The following TOPAZ1 variants were observed in gnomAD, a reference collection of about 807,000 sequenced individuals.
TOPAZ1 encodes the protein testis and ovary specific TOPAZ 1.
In TOPAZ1, 66 loss-of-function variants were observed where a neutral mutation model predicts 172.2. That is an observed-to-expected ratio of 0.38 (90% confidence interval 0.31 to 0.47). The LOEUF (loss-of-function observed/expected upper bound fraction) is 0.47. Ranked by LOEUF, TOPAZ1 falls within the 20% of genes least tolerant of loss-of-function variation. The pLI is 0.99. For missense variants in TOPAZ1, 1,822 were observed against 1,972.4 expected (o/e 0.92, Z 1.44); for synonymous variants, 681 against 683.9 (o/e 1.00, Z 0.07).
At chr3:44,315,213 GT>G (rs1700438819) in intron 16 of TOPAZ1, among the ~76,000 whole-genome samples, 1 of 45,816 alleles carries the variant, frequency 2.2e-5, no homozygotes, top group African/African-American at 5.3e-5. Context: ...GTGTGTGTGT[GT>G]GTGTGTGTGT....
At chr3:44,258,468 C>T (rs537850860) in intron 4 of TOPAZ1, among the ~76,000 whole-genome samples, 11 of 152,178 alleles carry the variant, frequency 7.2e-5, no homozygotes, top group Non-Finnish European at 8.8e-5. Flanking sequence ...CTCCATCGCC[C>T]ATTCCTTAAC....
chr3:44,309,757 A>G (rs1700377310), intron 15 of TOPAZ1, 68 bp from the exon 16 acceptor site: 1 of 1,151,664 alleles, frequency 8.7e-7, no homozygotes, highest in South Asian at 1.6e-5. Flanking sequence ...GCTTGTGAAT[A>G]ATTATCAGTG....
intron 12 of TOPAZ1, among the ~76,000 whole-genome samples, chr3:44,299,957 T>TC (rs1553650248): frequency 6.4e-5 from 6 of 94,310 alleles, no homozygotes; most frequent in South Asian, 7.2e-4. Context: ...TGTTGTGGGG[T>TC]GGGGGGAGGG....
intron 4 of TOPAZ1, among the ~76,000 whole-genome samples, chr3:44,257,910 A>G (rs1233916539): frequency 1.3e-5 from 2 of 152,000 alleles, no homozygotes. Flanking sequence ...TCCCTCCCCC[A>G]ATAATTTCTA....
At chr3:44,247,400 T>C (rs1451601184) in intron 2 of TOPAZ1, among the ~76,000 whole-genome samples, 1 of 152,220 alleles carries the variant, frequency 6.6e-6, no homozygotes, top group African/African-American at 2.4e-5. Context: ...GCTTCACTTA[T>C]AAAAATTGTT....
chr3:44,242,322 GCCC>G lies in TOPAZ1; in HGVS notation c.270_272del (p.Ser90_Pro91delinsArg). On this transcript the variant is annotated inframe_deletion, in exon 1 of 20. Coordinates refer to ENST00000309765, the MANE Select transcript of TOPAZ1 (RefSeq NM_001145030.2). ...GTGGAGGGGCGCAGGGGCCCGGTGAGCCCGTCAGACTCGTCAGACCCGCGAGGC... is the reference window on the plus strand; with the variant it reads ...GTGGAGGGGCGCAGGGGCCCGGTGAGGTCAGACTCGTCAGACCCGCGAGGC... 1 of 1,552,064 alleles carries G rather than the reference GCCC, an allele frequency of 6.4e-7. No individual in the cohort carries two copies. The highest frequency in any genetic ancestry group is 1.7e-4 in the Middle Eastern group (1 of 5,996).
At chr3:44,318,165 G>T (rs1447922942) in intron 16 of TOPAZ1, among the ~76,000 whole-genome samples, 1 of 148,520 alleles carries the variant, frequency 6.7e-6, no homozygotes, top group Non-Finnish European at 1.5e-5. Flanking sequence ...CACCTACTGA[G>T]GGGCGGGCAT....
chr3:44,314,689 T>G (rs1273483389), intron 16 of TOPAZ1, among the ~76,000 whole-genome samples: 1 of 151,950 alleles, frequency 6.6e-6, no homozygotes, highest in African/African-American at 2.4e-5. Context: ...ATGGTGGTAT[T>G]GAGCTTGTTT....
At chr3:44,294,788 T>A (rs1318330391) in intron 12 of TOPAZ1, among the ~76,000 whole-genome samples, 1 of 152,218 alleles carries the variant, frequency 6.6e-6, no homozygotes, top group South Asian at 2.1e-4. Context: ...TGAATTTTAA[T>A]GCACATTTAT....
chr3:44,309,749 T>A, intron 15 of TOPAZ1, 76 bp from the exon 16 acceptor site: 1 of 1,081,346 alleles, frequency 9.2e-7, no homozygotes, highest in Non-Finnish European at 1.3e-6. Flanking sequence ...GATACTTGGC[T>A]TGTGAATAAT....
In TOPAZ1 at chr3:44,242,324, CCGTCAGACT is replaced by C. The variant is rs781629976; in HGVS notation, c.280_288del (p.Ser94_Asp96del). On this transcript the variant is annotated inframe_deletion, in exon 1 of 20. Transcript: ENST00000309765. ...GGAGGGGCGCAGGGGCCCGGTGAGCCCGTCAGACTCGTCAGACCCGCGAGGCCTAGAAGC... is the reference window on the plus strand; with the variant it reads ...GGAGGGGCGCAGGGGCCCGGTGAGCCCGTCAGACCCGCGAGGCCTAGAAGC... 2.6e-6 allele frequency: 4 copies of C among 1,551,876 alleles called. No homozygotes were observed. In the East Asian group the frequency reaches 9.8e-5, roughly 38 times the overall value.
intron 4 of TOPAZ1, among the ~76,000 whole-genome samples, chr3:44,257,366 T>C (rs1338602516): frequency 2.7e-5 from 1 of 36,462 alleles, no homozygotes; most frequent in African/African-American, 5.1e-5. Flanking sequence ...TGTGTGTGTG[T>C]GTGTGTGTGT....
At chr3:44,271,927 G>C (rs1345551836) in intron 8 of TOPAZ1, among the ~76,000 whole-genome samples, 1 of 152,066 alleles carries the variant, frequency 6.6e-6, no homozygotes, top group Admixed American at 6.5e-5. Flanking sequence ...CTCCACCCCT[G>C]TCCTCTGGTA....
At chr3:44,323,537 G>C (rs975513445) in intron 18 of TOPAZ1, among the ~76,000 whole-genome samples, 1 of 152,128 alleles carries the variant, frequency 6.6e-6, no homozygotes, top group Non-Finnish European at 1.5e-5. Flanking sequence ...ACAGTAGCCT[G>C]TCCGCTAGAG....
Position 44,323,182 on chromosome 3 carries a change from T to C in TOPAZ1, c.4562T>C (p.Val1521Ala). 1 of 1,550,504 alleles carries C rather than the reference T, an allele frequency of 6.4e-7. No individual in the cohort carries two copies. Among genetic ancestry groups the C allele is most frequent in the Non-Finnish European group, 8.7e-7 (1 of 1,146,082 alleles). Residue 1521 changes from valine (V) to alanine (A), a missense_variant, in exon 18 of 20, where the codon GTG becomes GCG. Transcript: ENST00000309765. The stretch of plus-strand genomic sequence containing the variant: ...AGTAGTCTTGGTATGTCATCCTCTG[T>C]GGCAGAATTCATGATTTCAAAGAGC... ...ESSSLGMSSS[V>A]AEFMISKSIP...
In TOPAZ1 at chr3:44,301,611, T is replaced by C. The variant is rs114665908; in HGVS notation, c.3798-2404T>C. Among the ~76,000 whole-genome samples the C allele has an allele frequency of 9.3e-3, 1,413 of 152,314 alleles. 10 individuals carry two copies. The highest frequency in any genetic ancestry group is 0.02 in the Middle Eastern group (6 of 294). ...TTTTAGTTTGCATTTCTCTCATGAATGAATTTGAGCATTTTCTGTTCGTAT... is the reference window on the plus strand; with the variant it reads ...TTTTAGTTTGCATTTCTCTCATGAACGAATTTGAGCATTTTCTGTTCGTAT... On this transcript the variant is annotated intron_variant, in intron 12 of 19. Coordinates refer to ENST00000309765, the MANE Select transcript of TOPAZ1 (RefSeq NM_001145030.2).
chr3:44,276,616 G>GT, intron 8 of TOPAZ1, among the ~76,000 whole-genome samples: 1 of 80,856 alleles, frequency 1.2e-5, no homozygotes, highest in Admixed American at 1.3e-4. Context: ...AATGCCTCCA[G>GT]CTTTGTTCTT....
Position 44,282,040 on chromosome 3 carries a change from C to T in TOPAZ1, c.3436+9C>T. ...TTTGCTACAGCGTGCAGGTATGAAA[C>T]AATTAAATAATTAGTATGAAGCTAT... On this transcript the variant is annotated intron_variant, in intron 9 of 19. Coordinates refer to ENST00000309765, the MANE Select transcript of TOPAZ1 (RefSeq NM_001145030.2). 1 of 1,484,980 alleles carries T rather than the reference C, an allele frequency of 6.7e-7. No individual in the cohort carries two copies. The highest frequency in any genetic ancestry group is 9.1e-7 in the Non-Finnish European group (1 of 1,093,956). The allele number at this position is 1,484,980 out of a possible 1,614,324, so 92.0% of individuals were successfully genotyped here.
intron 18 of TOPAZ1, among the ~76,000 whole-genome samples, chr3:44,327,867 C>G (rs1344705751): frequency 6.6e-6 from 1 of 152,092 alleles, no homozygotes; most frequent in Non-Finnish European, 1.5e-5. Flanking sequence ...GACTCAGCCT[C>G]CCGAGTTGCT....
Sources: allele counts gnomAD v4.1 joint callset (sites outside exome capture counted in the v4.1 genomes callset), GRCh38; gene constraint gnomAD v4.1.1; transcripts MANE v1.5; gene names NCBI Gene and HGNC (gene_info 2026-07-23, HGNC 2026-07-21).